PRODH: variants seen among roughly 807,000 people sequenced by gnomAD.
PRODH encodes the protein proline dehydrogenase 1.
For missense variants in PRODH, 3 were observed against 24.1 expected (o/e 0.12, Z 1.83); for synonymous variants, 3 against 10.4 (o/e 0.29, Z 1.37).
intron 11 of PRODH, among the ~76,000 whole-genome samples, chr22:18,917,859 C>G (rs1244618535): frequency 3.2e-5 from 1 of 31,668 alleles, no homozygotes; most frequent in African/African-American, 5.4e-5. Flanking sequence ...CACTTGGGGT[C>G]TCTCTGAATT....
chr22:18,914,372 C>G (rs2081926180), intron 12 of PRODH: 1 of 35,978 alleles, frequency 2.8e-5, no homozygotes, highest in African/African-American at 4.7e-5. Context: ...CCCCGTATAG[C>G]GTCTTACAAA....
chr22:18,916,920 T>C lies in PRODH; in HGVS notation c.1496A>G (p.Asn499Ser), dbSNP rs369277468. 8.0e-6 allele frequency: 2 copies of C among 249,040 alleles called. 1 individual carries two copies. The allele number at this position is 249,040 out of a possible 1,614,324, so 15.4% of individuals were successfully genotyped here. ...CAGTGCAAAGCGCACTGTGTCCTCA[T>C]TGTGGGAGGCCACCATCACCTTGGC... ...AKAKVMVASHNEDTVRFALRR... is the reference protein window; with the variant it reads ...AKAKVMVASHSEDTVRFALRR... Residue 499 changes from asparagine to serine, a missense_variant, in exon 12 of 14, where the codon AAT (asparagine) becomes AGT (serine). Coordinates refer to ENST00000357068, the MANE Select transcript of PRODH (RefSeq NM_016335.6).
At chr22:18,917,962 G>C (rs1344665588) in intron 11 of PRODH, among the ~76,000 whole-genome samples, 1 of 53,772 alleles carries the variant, frequency 1.9e-5, no homozygotes, top group African/African-American at 4.5e-5. Flanking sequence ...AGCAGTAAAA[G>C]CAGGTGCAGA....
intron 1 of PRODH, among the ~76,000 whole-genome samples, chr22:18,933,785 G>C (rs565978896): frequency 8.3e-6 from 1 of 119,942 alleles, no homozygotes. Context: ...CACCATCCTG[G>C]TGTCACTGAT....
rs191213282 is a variant in PRODH at position 18,915,409 on chromosome 22, C to A, written c.1526+1481G>T. 19 of 33,196 alleles carry A rather than the reference C, an allele frequency of 5.7e-4. 7 individuals are homozygous for A. The highest frequency in any genetic ancestry group is 9.9e-4 in the Admixed American group (2 of 2,028). The allele number at this position is 33,196 out of a possible 1,614,324, so 2.1% of individuals were successfully genotyped here. ...CCGGGCGGAAGCTGGAGAGAGGAAGCCCTGCTGAGGGCAGGCTGTCCTTTC... is the reference window on the plus strand; with the variant it reads ...CCGGGCGGAAGCTGGAGAGAGGAAGACCTGCTGAGGGCAGGCTGTCCTTTC... On this transcript the variant is annotated intron_variant, in intron 12 of 13. Transcript: ENST00000357068.
intron 11 of PRODH, among the ~76,000 whole-genome samples, chr22:18,917,885 C>T (rs900799667): frequency 3.0e-5 from 1 of 33,582 alleles, no homozygotes; most frequent in African/African-American, 5.3e-5. Flanking sequence ...CATGCACACA[C>T]GCCTCTAAGA....
Position 18,917,376 on chromosome 22 carries a change from G to A in PRODH, c.1428-388C>T, listed in dbSNP as rs535956118. ...CCCTGGCCCTGCAAGGAAATAAAAGGGAAGCAGGTCCCTGTAGGGCACAGT... is the reference window on the plus strand; with the variant it reads ...CCCTGGCCCTGCAAGGAAATAAAAGAGAAGCAGGTCCCTGTAGGGCACAGT... On this transcript the variant is annotated intron_variant, in intron 11 of 13. Coordinates refer to ENST00000357068, the MANE Select transcript of PRODH (RefSeq NM_016335.6). 8.2e-4 allele frequency among the ~76,000 whole-genome samples: 29 copies of A among 35,578 alleles called. 14 individuals are homozygous for A. In the South Asian group the frequency reaches 0.037, roughly 45 times the overall value. The allele number at this position is 35,578 out of a possible 152,430, so 23.3% of individuals were successfully genotyped here.
At chr22:18,919,136 G>GT (rs2081946902) in intron 10 of PRODH, among the ~76,000 whole-genome samples, 1 of 55,334 alleles carries the variant, frequency 1.8e-5, no homozygotes, top group African/African-American at 5.8e-5. Flanking sequence ...AGAACCAGGG[G>GT]AGAGGTTGCG....
intron 1 of PRODH, among the ~76,000 whole-genome samples, chr22:18,933,769 CT>C (rs1404946225): frequency 7.8e-6 from 1 of 127,638 alleles, no homozygotes; most frequent in African/African-American, 2.5e-5. Flanking sequence ...AAAGCAACCA[CT>C]TTAACACCAT....
Position 18,913,440 on chromosome 22 carries a change from A to C in PRODH, c.1613T>G (p.Leu538Arg). Reference protein sequence around the residue: ...LGMCDQISFPLGQAGYPVYKY... With the variant: ...LGMCDQISFPRGQAGYPVYKY... Reference sequence around the variant, plus strand: ...GCACCAGGGAGGGCCCCACTCACCCAGCGGGAAGCTGATCTGGTCACACAT... The same window carrying C: ...GCACCAGGGAGGGCCCCACTCACCCCGCGGGAAGCTGATCTGGTCACACAT... Residue 538 changes from leucine (L) to arginine (R), a missense_variant and splice_region_variant, in exon 13 of 14, where the codon CTG (leucine) becomes CGG (arginine). Physicochemically the swap from Leu to Arg is moderately radical, Grantham distance 102. Coordinates refer to ENST00000357068, the MANE Select transcript of PRODH (RefSeq NM_016335.6). 1 of 222,236 alleles carries C rather than the reference A, an allele frequency of 4.5e-6. No homozygotes were observed. Among genetic ancestry groups the C allele is most frequent in the Non-Finnish European group, 6.9e-6 (1 of 145,332 alleles). 13.8% of individuals were successfully genotyped at this position (222,236 alleles called of 1,614,324 possible).
chr22:18,917,483 C>T lies in PRODH; in HGVS notation c.1428-495G>A, dbSNP rs1348825429. Among the ~76,000 whole-genome samples, 2 of 33,688 alleles carry T rather than the reference C, an allele frequency of 5.9e-5. 1 individual carries two copies. Among genetic ancestry groups the T allele is most frequent in the Non-Finnish European group, 2.4e-4 (2 of 8,180 alleles). 22.1% of individuals were successfully genotyped at this position (33,688 alleles called of 152,430 possible). ...AGGTCACTCAGCAGGCTTGACCACA[C>T]GCACGTTCTCTCTGACCCAGCAATT... On this transcript the variant is annotated intron_variant, in intron 11 of 13. Transcript: ENST00000357068.
chr22:18,917,379 A>G lies in PRODH; in HGVS notation c.1428-391T>C, dbSNP rs1245568151. 1.1e-4 allele frequency among the ~76,000 whole-genome samples: 4 copies of G among 35,358 alleles called. 1 individual carries two copies. The highest frequency in any genetic ancestry group is 1.9e-4 in the African/African-American group (4 of 21,010). 23.2% of individuals were successfully genotyped at this position (35,358 alleles called of 152,430 possible). On this transcript the variant is annotated intron_variant, in intron 11 of 13. Transcript: ENST00000357068. ...TGGCCCTGCAAGGAAATAAAAGGGA[A>G]GCAGGTCCCTGTAGGGCACAGTGGG...
Position 18,918,153 on chromosome 22 carries a change from T to C in PRODH, c.1427+163A>G, listed in dbSNP as rs1049433743. On this transcript the variant is annotated intron_variant, in intron 11 of 13. Transcript: ENST00000357068. ...TTTCTATATTTATAAAAGAATAACC[T>C]TAATGCTTTTGAAAAAGTAACACAT... Among the ~76,000 whole-genome samples the C allele has an allele frequency of 2.7e-5, 3 of 109,354 alleles. 1 individual carries two copies. The highest frequency in any genetic ancestry group is 6.5e-5 in the Non-Finnish European group (3 of 46,054). 71.7% of individuals were successfully genotyped at this position (109,354 alleles called of 152,430 possible).
chr22:18,933,297 CAG>C (rs2081999630), intron 1 of PRODH, among the ~76,000 whole-genome samples: 2 of 125,152 alleles, frequency 1.6e-5, no homozygotes, highest in South Asian at 5.8e-4. Context: ...TTTTTTGAGG[CAG>C]AGTTTTGCTC....
Sources: allele counts gnomAD v4.1 joint callset (sites outside exome capture counted in the v4.1 genomes callset), GRCh38; gene constraint gnomAD v4.1.1; transcripts MANE v1.5; gene names NCBI Gene and HGNC (gene_info 2026-07-23, HGNC 2026-07-21).